Variants in MMP16 observed in about 807,000 individuals in gnomAD.
The protein encoded by MMP16 is matrix metalloproteinase-16.
A neutral mutation model predicts 67.8 loss-of-function variants in MMP16; 12 were observed. The observed-to-expected ratio is 0.18, with a 90% CI of 0.11 to 0.29. The LOEUF (loss-of-function observed/expected upper bound fraction) is 0.29. MMP16 is among the 10% of genes least tolerant of loss of function. MMP16 has a pLI of 1.00. For synonymous variants in MMP16, 249 were observed against 255.9 expected, an observed-to-expected ratio of 0.97 and a Z score of 0.26; for missense variants, 475 against 765.7, an observed-to-expected ratio of 0.62 and a Z score of 4.48.
At chr8:88,306,262 CA>C (rs1811210353) in intron 1 of MMP16, among the ~76,000 whole-genome samples, 1 of 151,986 alleles carries the variant, frequency 6.6e-6, no homozygotes, top group African/African-American at 2.4e-5. Flanking sequence ...GAAAGACCAA[CA>C]GTGAGTTCTG....
chr8:88,176,973 G>A (rs986321869), intron 3 of MMP16, among the ~76,000 whole-genome samples: 16 of 152,114 alleles, frequency 1.1e-4, no homozygotes, highest in African/African-American at 3.4e-4. Flanking sequence ...CGATTTTGTG[G>A]AAAAGTCAAA....
intron 1 of MMP16, among the ~76,000 whole-genome samples, chr8:88,290,772 A>G (rs1340475397): frequency 6.6e-6 from 1 of 152,068 alleles, no homozygotes; most frequent in Non-Finnish European, 1.5e-5. Context: ...GTAAGTCAAG[A>G]ATGCTGTTCA....
chr8:88,230,389 T>C (rs1809839417), intron 1 of MMP16, among the ~76,000 whole-genome samples: 1 of 152,224 alleles, frequency 6.6e-6, no homozygotes, highest in East Asian at 1.9e-4. Context: ...GCAGGCTACA[T>C]AAAAGATCTT....
chr8:88,269,411 A>T (rs996043007), intron 1 of MMP16, among the ~76,000 whole-genome samples: 1 of 152,138 alleles, frequency 6.6e-6, no homozygotes, highest in Non-Finnish European at 1.5e-5. Context: ...ACAGAGCCAT[A>T]ACAAAAGTGG....
At chr8:88,129,584 A>C (rs1023561758) in intron 4 of MMP16, among the ~76,000 whole-genome samples, 1 of 151,354 alleles carries the variant, frequency 6.6e-6, no homozygotes, top group Admixed American at 6.6e-5. Context: ...AAAAAATATT[A>C]AAAAAAAGAA....
chr8:88,209,866 G>A (rs992005927), intron 1 of MMP16, among the ~76,000 whole-genome samples: 4 of 152,086 alleles, frequency 2.6e-5, no homozygotes, highest in African/African-American at 9.7e-5. Flanking sequence ...ATCTCTCAAA[G>A]AATGTTATGG....
At position 88,312,337 on chromosome 8, in the gene MMP16, T is replaced by C. The variant is rs368636026; in HGVS notation, c.132+14738A>G. On this transcript the variant is annotated intron_variant, in intron 1 of 9. Coordinates refer to ENST00000286614, the MANE Select transcript of MMP16 (RefSeq NM_005941.5). ...TATAGAATAGTGTCATATAGAAGAC[T>C]GAAACCTATTCTTTTCCATCTTAAT... is the stretch of plus-strand genomic sequence containing the variant. 2.2e-4 allele frequency among the ~76,000 whole-genome samples: 33 copies of C among 152,308 alleles called. 2 individuals are homozygous for C. The highest frequency in any genetic ancestry group is 3.4e-3 in the Middle Eastern group (1 of 294).
chr8:88,207,710 A>G (rs1691791552), intron 1 of MMP16, among the ~76,000 whole-genome samples: 1 of 148,288 alleles, frequency 6.7e-6, no homozygotes, highest in Non-Finnish European at 1.5e-5. Context: ...AAAAAAAAAG[A>G]AAGAAAGAAA....
intron 6 of MMP16, among the ~76,000 whole-genome samples, chr8:88,112,846 T>C (rs1809361703): frequency 6.6e-6 from 1 of 151,866 alleles, no homozygotes; most frequent in Non-Finnish European, 1.5e-5. Flanking sequence ...AGTCCTATTA[T>C]AAAGAAAGGC....
At chr8:88,191,843 G>A (rs1809174057) in intron 2 of MMP16, among the ~76,000 whole-genome samples, 1 of 152,208 alleles carries the variant, frequency 6.6e-6, no homozygotes. Flanking sequence ...TGGTGCTGCA[G>A]GAAGGCCGTG....
chr8:88,243,075 C>T (rs554285147), intron 1 of MMP16, among the ~76,000 whole-genome samples: 10 of 152,218 alleles, frequency 6.6e-5, no homozygotes, highest in Admixed American at 3.3e-4. Flanking sequence ...TTTTCAGGAT[C>T]CCATGTTCTC....
chr8:88,084,424 A>G (rs550688393), intron 6 of MMP16, among the ~76,000 whole-genome samples: 8 of 152,052 alleles, frequency 5.3e-5, no homozygotes, highest in African/African-American at 1.9e-4. Flanking sequence ...GATAGTTTAT[A>G]AGACTATAAA....
chr8:88,313,978 C>T (rs757033932), intron 1 of MMP16, among the ~76,000 whole-genome samples: 1 of 152,172 alleles, frequency 6.6e-6, no homozygotes, highest in Non-Finnish European at 1.5e-5. Context: ...CTACTGTGTT[C>T]CTCCCATACC....
At chr8:88,082,515 G>A (rs1808768963) in intron 6 of MMP16, among the ~76,000 whole-genome samples, 1 of 151,990 alleles carries the variant, frequency 6.6e-6, no homozygotes, top group African/African-American at 2.4e-5. Context: ...TTTTTGCAAG[G>A]TTTCTCATTG....
intron 1 of MMP16, among the ~76,000 whole-genome samples, chr8:88,207,448 C>A (rs550713321): frequency 6.6e-6 from 1 of 152,270 alleles, no homozygotes; most frequent in East Asian, 1.9e-4. Flanking sequence ...AAAAAGTGAT[C>A]TCTTGCAGTT....
At chr8:88,073,579 T>C (rs1385858474) in intron 7 of MMP16, among the ~76,000 whole-genome samples, 4 of 152,170 alleles carry the variant, frequency 2.6e-5, no homozygotes, top group Non-Finnish European at 5.9e-5. Context: ...TCTCTTTTCT[T>C]GAGGAACAAT....
chr8:88,046,564 G>T, intron 9 of MMP16, 105 bp downstream of exon 9: 1 of 591,264 alleles, frequency 1.7e-6, no homozygotes, highest in Non-Finnish European at 2.9e-6. Flanking sequence ...GTATTACATA[G>T]CTCTAGTATA....
intron 1 of MMP16, among the ~76,000 whole-genome samples, chr8:88,226,957 A>T (rs912011861): frequency 2.0e-5 from 3 of 152,048 alleles, no homozygotes; most frequent in Admixed American, 1.3e-4. Flanking sequence ...ACACGAAAAC[A>T]ATAACTAGGG....
At chr8:88,255,046 T>C (rs1267286608) in intron 1 of MMP16, among the ~76,000 whole-genome samples, 1 of 152,176 alleles carries the variant, frequency 6.6e-6, no homozygotes, top group African/African-American at 2.4e-5. Flanking sequence ...ATACACACGG[T>C]GATTTGGCTT....
Sources: allele counts gnomAD v4.1 joint callset (sites outside exome capture counted in the v4.1 genomes callset), GRCh38; gene constraint gnomAD v4.1.1; transcripts MANE v1.5; gene names NCBI Gene and HGNC (gene_info 2026-07-23, HGNC 2026-07-21).